GTF2IRD2B: variants seen among roughly 807,000 people sequenced by gnomAD.
The protein encoded by GTF2IRD2B is general transcription factor II-I repeat domain-containing protein 2B.
In GTF2IRD2B, 10 loss-of-function variants were observed where a neutral mutation model predicts 55.6. The ratio of observed to expected loss-of-function variants is 0.18; its 90% CI spans 0.11 to 0.31. The LOEUF is 0.31. Ranked by LOEUF, GTF2IRD2B falls within the 10% of genes least tolerant of loss-of-function variation. The pLI is 1.00. For synonymous variants in GTF2IRD2B, 107 were observed against 320.5 expected, an observed-to-expected ratio of 0.33 and a Z score of 7.12; for missense variants, 206 against 802.7, an observed-to-expected ratio of 0.26 and a Z score of 8.98.
chr7:75,132,549 T>C (rs1410546906), intron 8 of GTF2IRD2B, among the ~76,000 whole-genome samples: 297 of 45,894 alleles, frequency 6.5e-3, no homozygotes, highest in Middle Eastern at 0.017. Flanking sequence ...TCCTTCCTTC[T>C]TTTTTTTTTT....
At chr7:75,120,225 G>A (rs1554451793) in intron 3 of GTF2IRD2B, among the ~76,000 whole-genome samples, 2 of 82,842 alleles carry the variant, frequency 2.4e-5, no homozygotes, top group African/African-American at 6.3e-5. Flanking sequence ...AAATTACTAT[G>A]TGGTTTCTCT....
chr7:75,147,131 T>C (rs1809169029), intron 15 of GTF2IRD2B, among the ~76,000 whole-genome samples: 1 of 151,290 alleles, frequency 6.6e-6, no homozygotes, highest in African/African-American at 2.4e-5. Context: ...TCAGGTTTTC[T>C]TTAGAAAACC....
rs587740512 is a variant in GTF2IRD2B, at chr7:75,120,183, C to CA, written c.239-696dup. 1.7e-3 allele frequency among the ~76,000 whole-genome samples: 110 copies of CA among 65,336 alleles called. 19 individuals are homozygous for CA. Among genetic ancestry groups the CA allele is most frequent in the African/African-American group, 8.4e-3 (103 of 12,258 alleles). 42.9% of individuals were successfully genotyped at this position (65,336 alleles called of 152,430 possible). A position where few individuals can be genotyped will look rare whatever the true frequency, so the allele number is the denominator to read the frequency against. ...TATACTTGTGCCCCTTACATTGATA[C>CA]AAAAAAAAAAAACAAAAACCTTTCT... On this transcript the variant is annotated intron_variant, in intron 3 of 15. Coordinates refer to ENST00000472837, the MANE Select transcript of GTF2IRD2B (RefSeq NM_001003795.3).
intron 1 of GTF2IRD2B, among the ~76,000 whole-genome samples, chr7:75,105,645 T>C (rs1457015160): frequency 2.6e-5 from 4 of 152,312 alleles, no homozygotes; most frequent in Non-Finnish European, 5.9e-5. Context: ...GCATAGCTAA[T>C]GTTCTCAGAA....
intron 1 of GTF2IRD2B, among the ~76,000 whole-genome samples, chr7:75,099,737 A>AAAT (rs1807474108): frequency 7.9e-6 from 1 of 126,550 alleles, no homozygotes; most frequent in East Asian, 2.0e-4. Flanking sequence ...ACTCCGTCTC[A>AAAT]AAATAAATAA....
chr7:75,115,590 ATTTTT>A (rs1163954497), intron 3 of GTF2IRD2B, among the ~76,000 whole-genome samples: 3 of 81,572 alleles, frequency 3.7e-5, no homozygotes, highest in Non-Finnish European at 5.0e-5. Flanking sequence ...TGCCCAGCTA[ATTTTT>A]TTTTTTTTTT....
chr7:75,133,663 C>T (rs1276502003), intron 9 of GTF2IRD2B, among the ~76,000 whole-genome samples: 2 of 149,094 alleles, frequency 1.3e-5, no homozygotes, highest in Non-Finnish European at 2.9e-5. Flanking sequence ...GTGCCTCAGC[C>T]TCCCAAGGAG....
At chr7:75,122,286 A>G (rs1808403508) in intron 4 of GTF2IRD2B, among the ~76,000 whole-genome samples, 1 of 141,524 alleles carries the variant, frequency 7.1e-6, no homozygotes, top group Non-Finnish European at 1.5e-5. Context: ...TTCCATAGGC[A>G]TGAAGATGGG....
In GTF2IRD2B at chr7:75,119,986, G is replaced by A. The variant is rs1554451770; in HGVS notation, c.239-905G>A. Among the ~76,000 whole-genome samples the A allele has an allele frequency of 2.3e-5, 3 of 129,424 alleles. 1 individual carries two copies. Among genetic ancestry groups the A allele is most frequent in the East Asian group, 2.0e-4 (1 of 5,052 alleles). 84.9% of individuals were successfully genotyped at this position (129,424 alleles called of 152,430 possible). A position where few individuals can be genotyped will look rare whatever the true frequency, so the allele number is the denominator to read the frequency against. ...TACTAAAAAATACAAAAACTTAGCCGGGCGTGGTGGCAGGCACCTGTAGTC... is the reference window on the plus strand; with the variant it reads ...TACTAAAAAATACAAAAACTTAGCCAGGCGTGGTGGCAGGCACCTGTAGTC... On this transcript the variant is annotated intron_variant, in intron 3 of 15. Transcript: ENST00000472837.
chr7:75,113,677 A>G (rs1554450969), intron 3 of GTF2IRD2B, among the ~76,000 whole-genome samples: 1 of 150,656 alleles, frequency 6.6e-6, no homozygotes, highest in Non-Finnish European at 1.5e-5. Context: ...TATGGTGGTA[A>G]TCTCTAACAC....
chr7:75,132,407 A>G (rs1808689694), intron 8 of GTF2IRD2B, among the ~76,000 whole-genome samples: 1 of 139,616 alleles, frequency 7.2e-6, no homozygotes, highest in Non-Finnish European at 1.5e-5. Flanking sequence ...TTCATGACAG[A>G]AGAATCTTCA....
rs1809268452 is a variant in GTF2IRD2B, at chr7:75,149,620, C to G, written c.*323C>G. On this transcript the variant is annotated 3_prime_UTR_variant, in exon 16 of 16. Transcript: ENST00000472837. ...CTCCAACTCCTGACCTCAGGTGATC[C>G]ACCTGCCTCGACCTCACAAAGTGCT... 27 of 348,750 alleles carry G rather than the reference C, an allele frequency of 7.7e-5. No homozygotes were observed. The highest frequency in any genetic ancestry group is 6.0e-4 in the South Asian group (27 of 44,760). The allele number at this position is 348,750 out of a possible 1,614,324, so 21.6% of individuals were successfully genotyped here.
intron 8 of GTF2IRD2B, among the ~76,000 whole-genome samples, chr7:75,132,548 C>CTTTTTTTT (rs1159887977): frequency 1.9e-4 from 16 of 85,368 alleles, no homozygotes; most frequent in African/African-American, 3.0e-4. Context: ...CTCCTTCCTT[C>CTTTTTTTT]TTTTTTTTTT....
At position 75,103,358 on chromosome 7, in the gene GTF2IRD2B, G is replaced by A. The variant is rs1207405537; in HGVS notation, c.-5-5602G>A. Among the ~76,000 whole-genome samples, 50 of 151,366 alleles carry A rather than the reference G, an allele frequency of 3.3e-4. 1 individual carries two copies. The highest frequency in any genetic ancestry group is 9.7e-4 in the African/African-American group (40 of 41,412). ...TAGACAAGATGCCTGAGTACAGCCC[G>A]TGGTTCTCCTGGCATGTGGTCCCGT... is the stretch of plus-strand genomic sequence containing the variant. On this transcript the variant is annotated intron_variant, in intron 1 of 15. Transcript: ENST00000472837.
chr7:75,115,274 C>T (rs1447375314), intron 3 of GTF2IRD2B, among the ~76,000 whole-genome samples: 3 of 150,118 alleles, frequency 2.0e-5, no homozygotes, highest in Admixed American at 1.3e-4. Context: ...TACTCTATTC[C>T]GTAGATCTAT....
intron 11 of GTF2IRD2B, among the ~76,000 whole-genome samples, chr7:75,137,251 A>G (rs587674753): frequency 6.4e-4 from 97 of 151,260 alleles, no homozygotes; most frequent in Non-Finnish European, 1.1e-3. Flanking sequence ...TCTCTAATGT[A>G]GTATAATGTG....
intron 11 of GTF2IRD2B, among the ~76,000 whole-genome samples, chr7:75,137,212 A>G (rs1424593136): frequency 6.0e-5 from 9 of 151,244 alleles, no homozygotes; most frequent in Non-Finnish European, 7.4e-5. Flanking sequence ...AAAAAAAAAA[A>G]AAAAAAAATT....
intron 3 of GTF2IRD2B, among the ~76,000 whole-genome samples, chr7:75,118,922 T>C (rs1275904896): frequency 8.2e-5 from 11 of 133,462 alleles, no homozygotes; most frequent in Non-Finnish European, 1.6e-5. Flanking sequence ...TGGCCGGGCA[T>C]GGTAGTGCAT....
At chr7:75,102,614 G>A (rs1554421863) in intron 1 of GTF2IRD2B, among the ~76,000 whole-genome samples, 5 of 151,156 alleles carry the variant, frequency 3.3e-5, no homozygotes, top group Non-Finnish European at 4.4e-5. Context: ...AGCCATGATC[G>A]AGCCACTGCA....
Sources: gnomAD v4.1 joint callset for allele counts (sites outside exome capture counted in the v4.1 genomes callset) on GRCh38, gnomAD v4.1.1 for gene constraint, MANE v1.5 for transcripts, NCBI Gene and HGNC (gene_info 2026-07-23, HGNC 2026-07-21) for gene names.